Variants in MAP3K21 observed in about 807,000 individuals in gnomAD.
MAP3K21 encodes the protein mitogen-activated protein kinase kinase kinase MLK4.
Under a neutral mutation model 86.1 loss-of-function variants are expected in MAP3K21, and 63 were observed. That is an observed-to-expected ratio of 0.73 (90% confidence interval 0.60 to 0.90). MAP3K21 has a LOEUF of 0.90. MAP3K21 is among the 40% of genes least tolerant of loss of function. MAP3K21 has a pLI of 0.00. For synonymous variants in MAP3K21, 558 were observed against 564.8 expected, an observed-to-expected ratio of 0.99 and a Z score of 0.17; for missense variants, 1,220 against 1,367.7, an observed-to-expected ratio of 0.89 and a Z score of 1.70.
At chr1:233,338,205 A>G (rs1662952273) in intron 1 of MAP3K21, among the ~76,000 whole-genome samples, 1 of 152,234 alleles carries the variant, frequency 6.6e-6, no homozygotes, top group Non-Finnish European at 1.5e-5. Context: ...ATTTCAGTAT[A>G]TGAGCAATGT....
At chr1:233,355,120 TA>T in intron 4 of MAP3K21, 109 bp downstream of exon 4, 1 of 773,354 alleles carries the variant, frequency 1.3e-6, no homozygotes, top group Non-Finnish European at 2.0e-6. Flanking sequence ...TAGATATCAA[TA>T]TTTGTTGATT....
At chr1:233,335,796 G>A (rs917394768) in intron 1 of MAP3K21, among the ~76,000 whole-genome samples, 2 of 152,130 alleles carry the variant, frequency 1.3e-5, no homozygotes, top group Non-Finnish European at 2.9e-5. Flanking sequence ...TATAACAATA[G>A]ACCCCATTAC....
rs143860902 is a variant in MAP3K21, at chr1:233,352,391, G to A, written c.987-1416G>A. Among the ~76,000 whole-genome samples, 3 of 151,066 alleles carry A rather than the reference G, an allele frequency of 2.0e-5. No homozygotes were observed. The South Asian group carries it at 6.3e-4, about 31-fold the overall frequency. On this transcript the variant is annotated intron_variant, in intron 2 of 9. Coordinates refer to ENST00000366624, the MANE Select transcript of MAP3K21 (RefSeq NM_032435.3). The stretch of plus-strand genomic sequence containing the variant: ...TATTGCTAACTGTAGCCATCCTACA[G>A]TGCGTTAAAACAGGGGTACTTATTC...
intron 1 of MAP3K21, among the ~76,000 whole-genome samples, chr1:233,344,761 C>T (rs1663101041): frequency 6.6e-6 from 1 of 152,154 alleles, no homozygotes. Flanking sequence ...AGCTTCTGCA[C>T]AGCAAAAGAA....
Position 233,382,364 on chromosome 1 carries a change from G to A in MAP3K21, c.2764G>A (p.Ala922Thr). The stretch of plus-strand genomic sequence containing the variant: ...TGCACTGCCACTCTGCCCCTCACCT[G>A]CTCCTCACAGTCATCTGCCAAGGGA... ...ASALPLCPSPAPHSHLPREVS... is the reference protein window; with the variant it reads ...ASALPLCPSPTPHSHLPREVS... The change falls in exon 10 of 10, where the codon GCT becomes ACT. Residue 922 changes from alanine to threonine, a missense_variant. Physicochemically the swap from Ala to Thr is moderately conservative, Grantham distance 58. Transcript: ENST00000366624. The A allele has an allele frequency of 6.2e-7, 1 of 1,614,012 alleles. No homozygotes were observed. The highest frequency in any genetic ancestry group is 8.5e-7 in the Non-Finnish European group (1 of 1,179,980).
At chr1:233,334,067 G>A (rs188783645) in intron 1 of MAP3K21, among the ~76,000 whole-genome samples, 66 of 151,822 alleles carry the variant, frequency 4.3e-4, no homozygotes, top group Non-Finnish European at 7.8e-4. Flanking sequence ...GGGTTTCACC[G>A]TGTTAGCCAG....
At chr1:233,360,435 C>G (rs542135448) in intron 4 of MAP3K21, among the ~76,000 whole-genome samples, 1 of 152,068 alleles carries the variant, frequency 6.6e-6, no homozygotes, top group South Asian at 2.1e-4. Context: ...GTGATTTAAA[C>G]ATCATTTGGT....
intron 4 of MAP3K21, among the ~76,000 whole-genome samples, chr1:233,358,954 C>A (rs867960743): frequency 6.6e-6 from 1 of 151,976 alleles, no homozygotes; most frequent in Non-Finnish European, 1.5e-5. Context: ...GGATTACAGG[C>A]GCCCACCACC....
At chr1:233,334,868 A>G (rs1662883248) in intron 1 of MAP3K21, among the ~76,000 whole-genome samples, 1 of 152,146 alleles carries the variant, frequency 6.6e-6, no homozygotes, top group Admixed American at 6.5e-5. Context: ...GTTTGACCAC[A>G]TTGTTTATCA....
chr1:233,382,159 C>T (rs1235352702), intron 9 of MAP3K21, 146 bp from the exon 10 acceptor site: 2 of 716,010 alleles, frequency 2.8e-6, no homozygotes, highest in African/African-American at 3.6e-5. Context: ...GTGCTATGAT[C>T]ATGCCTGTGA....
intron 1 of MAP3K21, among the ~76,000 whole-genome samples, chr1:233,339,852 TG>T (rs11308789): frequency 0.41 from 61,840 of 151,894 alleles, 13,491 homozygotes; most frequent in East Asian, 0.57. Context: ...ATCGATTTTC[TG>T]TAATTAGCAG....
At chr1:233,351,954 T>A (rs1663259867) in intron 2 of MAP3K21, among the ~76,000 whole-genome samples, 1 of 152,132 alleles carries the variant, frequency 6.6e-6, no homozygotes. Context: ...GGTGGTGCAA[T>A]CACAGCGCAC....
chr1:233,357,405 A>T (rs79156671), intron 4 of MAP3K21, among the ~76,000 whole-genome samples: 179 of 149,636 alleles, frequency 1.2e-3, no homozygotes, highest in East Asian at 6.4e-3. Context: ...AAGTATAATT[A>T]AAAAAAAAAG....
chr1:233,362,452 T>G (rs1663482292), intron 5 of MAP3K21, among the ~76,000 whole-genome samples, 159 bp downstream of exon 5: 1 of 152,178 alleles, frequency 6.6e-6, no homozygotes, highest in South Asian at 2.1e-4. Context: ...ATGGTTCTAA[T>G]GTAATGGCCT....
At chr1:233,333,649 CTAGT>C (rs1662854683) in intron 1 of MAP3K21, among the ~76,000 whole-genome samples, 1 of 151,600 alleles carries the variant, frequency 6.6e-6, no homozygotes, top group Admixed American at 6.6e-5. Context: ...AGGGGTATAG[CTAGT>C]TAGTTCTGAA....
intron 8 of MAP3K21, among the ~76,000 whole-genome samples, chr1:233,378,605 G>A (rs1663843003): frequency 6.6e-6 from 1 of 152,228 alleles, no homozygotes; most frequent in Non-Finnish European, 1.5e-5. Flanking sequence ...GTGATTTTGT[G>A]CCTATGGTTG....
At chr1:233,348,910 A>C (rs1362010897) in intron 2 of MAP3K21, among the ~76,000 whole-genome samples, 1 of 152,194 alleles carries the variant, frequency 6.6e-6, no homozygotes, top group Non-Finnish European at 1.5e-5. Flanking sequence ...AATCTTTGGA[A>C]ACACTAGAAG....
At chr1:233,348,690 G>A (rs1345716838) in intron 2 of MAP3K21, among the ~76,000 whole-genome samples, 1 of 152,094 alleles carries the variant, frequency 6.6e-6, no homozygotes, top group African/African-American at 2.4e-5. Context: ...GGCCGTCCTT[G>A]TAGGTGTAAA....
At chr1:233,372,526 G>A (rs1373093965) in intron 6 of MAP3K21, 1 of 279,552 alleles carries the variant, frequency 3.6e-6, no homozygotes, top group African/African-American at 2.2e-5. Context: ...AGGAATTCAG[G>A]ATTACTTCTG....
Sources: allele counts gnomAD v4.1 joint callset (sites outside exome capture counted in the v4.1 genomes callset), GRCh38; gene constraint gnomAD v4.1.1; transcripts MANE v1.5; gene names NCBI Gene and HGNC (gene_info 2026-07-23, HGNC 2026-07-21).